Variants in UTRN observed in about 807,000 individuals in gnomAD.
The protein encoded by UTRN is utrophin.
In UTRN, 283 loss-of-function variants were observed where a neutral mutation model predicts 463.9. The ratio of observed to expected loss-of-function variants is 0.61; its 90% CI spans 0.55 to 0.67. The LOEUF (loss-of-function observed/expected upper bound fraction) is 0.67, where lower values mean the gene tolerates loss of function less well. Among genes scored for constraint, UTRN ranks in the 30% least tolerant of loss-of-function variants. UTRN has a pLI of 0.00. For synonymous variants in UTRN, 1,442 were observed against 1,431.5 expected (o/e 1.01, Z -0.17); for missense variants, 3,922 against 4,084.3 (o/e 0.96, Z 1.08).
intron 50 of UTRN, among the ~76,000 whole-genome samples, chr6:144,559,622 C>T (rs1046052662): frequency 2.0e-5 from 3 of 152,050 alleles, no homozygotes; most frequent in African/African-American, 4.8e-5. Flanking sequence ...TTAATGGATA[C>T]GAGTGACCTT....
chr6:144,747,214 G>T (rs767962276), intron 54 of UTRN, among the ~76,000 whole-genome samples: 1 of 152,180 alleles, frequency 6.6e-6, no homozygotes, highest in Non-Finnish European at 1.5e-5. Context: ...TCACAAAGAA[G>T]AATGTGTTTT....
intron 28 of UTRN, among the ~76,000 whole-genome samples, chr6:144,487,026 T>C (rs986968918): frequency 1.3e-5 from 2 of 152,218 alleles, no homozygotes; most frequent in African/African-American, 2.4e-5. Context: ...GCATATATTG[T>C]AGGAAAATGA....
intron 2 of UTRN, among the ~76,000 whole-genome samples, chr6:144,311,080 C>T (rs1428956404): frequency 6.6e-6 from 1 of 152,148 alleles, no homozygotes; most frequent in African/African-American, 2.4e-5. Flanking sequence ...TGAAAATGCC[C>T]ATTTAGTGAA....
At chr6:144,351,891 G>A (rs527615051) in intron 2 of UTRN, among the ~76,000 whole-genome samples, 6 of 152,238 alleles carry the variant, frequency 3.9e-5, no homozygotes, top group African/African-American at 1.2e-4. Flanking sequence ...ATCAGATAGC[G>A]ATCCACTTGG....
intron 47 of UTRN, among the ~76,000 whole-genome samples, chr6:144,549,580 A>G (rs1315220899): frequency 6.6e-6 from 1 of 152,198 alleles, no homozygotes; most frequent in African/African-American, 2.4e-5. Flanking sequence ...TGAGTTGACA[A>G]ATTACTGTAG....
At chr6:144,794,395 C>T (rs551474034) in intron 63 of UTRN, among the ~76,000 whole-genome samples, 19 of 152,288 alleles carry the variant, frequency 1.2e-4, no homozygotes, top group African/African-American at 4.3e-4. Context: ...CACTACCTCC[C>T]TTCTCATACC....
intron 61 of UTRN, among the ~76,000 whole-genome samples, chr6:144,785,874 C>T (rs7744118): frequency 0.15 from 23,377 of 152,142 alleles, 2,381 homozygotes; most frequent in Admixed American, 0.34. Context: ...GTCTTAATTT[C>T]ACAATCTTCC....
At chr6:144,834,041 G>A (rs919886791) in intron 69 of UTRN, among the ~76,000 whole-genome samples, 13 of 152,266 alleles carry the variant, frequency 8.5e-5, no homozygotes, top group African/African-American at 3.1e-4. Context: ...TCTTGCAGAG[G>A]TTCCTTCATT....
At chr6:144,378,275 T>C (rs1780630020) in intron 2 of UTRN, among the ~76,000 whole-genome samples, 1 of 152,214 alleles carries the variant, frequency 6.6e-6, no homozygotes, top group African/African-American at 2.4e-5. Context: ...ACACTCTGTG[T>C]TTAGACTTAA....
intron 32 of UTRN, 61 bp downstream of exon 32, chr6:144,491,163 C>T: frequency 2.0e-6 from 3 of 1,508,646 alleles, no homozygotes; most frequent in Non-Finnish European, 2.7e-6. Context: ...ATGGCTTGGT[C>T]TAGCAAGTAC....
At chr6:144,656,475 G>C (rs764255588) in intron 51 of UTRN, among the ~76,000 whole-genome samples, 4 of 152,164 alleles carry the variant, frequency 2.6e-5, no homozygotes, top group African/African-American at 9.7e-5. Flanking sequence ...GCAGTGGCAC[G>C]ATCTCGGCTC....
intron 51 of UTRN, among the ~76,000 whole-genome samples, chr6:144,606,757 T>C (rs1804890285): frequency 6.6e-6 from 1 of 151,628 alleles, no homozygotes; most frequent in Non-Finnish European, 1.5e-5. Context: ...AATCTCATTG[T>C]CTTAGCTTTC....
intron 52 of UTRN, among the ~76,000 whole-genome samples, chr6:144,683,230 C>T (rs975022588): frequency 6.6e-5 from 10 of 152,282 alleles, no homozygotes; most frequent in East Asian, 1.9e-4. Flanking sequence ...AGTGAGAAAC[C>T]ATACATGGAA....
At chr6:144,358,698 TG>T (rs1202078223) in intron 2 of UTRN, among the ~76,000 whole-genome samples, 1 of 152,222 alleles carries the variant, frequency 6.6e-6, no homozygotes, top group East Asian at 1.9e-4. Flanking sequence ...CTTGAACTCC[TG>T]GGCTCAAGTG....
At chr6:144,306,483 G>A (rs558487531) in intron 2 of UTRN, among the ~76,000 whole-genome samples, 1 of 152,230 alleles carries the variant, frequency 6.6e-6, no homozygotes. Context: ...GATGGGTGGT[G>A]GATGGGATGG....
intron 51 of UTRN, among the ~76,000 whole-genome samples, chr6:144,661,880 C>T (rs1192673419): frequency 6.6e-6 from 1 of 152,146 alleles, no homozygotes. Context: ...TAGCATGTTT[C>T]CCCTTTTAAC....
chr6:144,512,519 G>C (rs1403551596), intron 35 of UTRN, among the ~76,000 whole-genome samples: 3 of 150,694 alleles, frequency 2.0e-5, no homozygotes, highest in Non-Finnish European at 4.4e-5. Context: ...GGGTACAAGG[G>C]CAAGTTTGTT....
Position 144,701,021 on chromosome 6 carries a change from C to T in UTRN, c.7809+778C>T, listed in dbSNP as rs1449427774. Among the ~76,000 whole-genome samples the T allele has an allele frequency of 6.4e-4, 98 of 152,150 alleles. 1 individual carries two copies. Among genetic ancestry groups the T allele is most frequent in the Admixed American group, 6.3e-3 (97 of 15,284 alleles). ...TCCTGGGTCCAAGAGATTCTCCTGC[C>T]TCAGCCTCCCAAGTAGCTGGGACTA... On this transcript the variant is annotated intron_variant, in intron 53 of 74. Transcript: ENST00000367545.
At chr6:144,504,161 A>T (rs990792130) in intron 34 of UTRN, among the ~76,000 whole-genome samples, 2 of 152,174 alleles carry the variant, frequency 1.3e-5, no homozygotes, top group African/African-American at 2.4e-5. Flanking sequence ...GGTTTTCTAA[A>T]TATACAATTA....
Sources: allele counts gnomAD v4.1 joint callset (sites outside exome capture counted in the v4.1 genomes callset), GRCh38; gene constraint gnomAD v4.1.1; transcripts MANE v1.5; gene names NCBI Gene and HGNC (gene_info 2026-07-23, HGNC 2026-07-21).